Variants in ZNF34 observed in about 807,000 individuals in gnomAD.
ZNF34 encodes the protein zinc finger protein 34 (KOX 32).
ZNF34 carries 8 observed loss-of-function variants against 14.4 expected under a neutral mutation model. That is an observed-to-expected ratio of 0.55 (90% CI 0.33 to 1.00). The LOEUF (loss-of-function observed/expected upper bound fraction) is 1.00. Ranked by LOEUF, ZNF34 falls within the 50% of genes least tolerant of loss-of-function variation. The pLI, the probability that ZNF34 is intolerant of heterozygous loss-of-function variation, is 0.03. For synonymous variants in ZNF34, 235 were observed against 247.9 expected, an observed-to-expected ratio of 0.95 and a Z score of 0.49; for missense variants, 538 against 674.2, an observed-to-expected ratio of 0.80 and a Z score of 2.24.
chr8:144,778,309 G>A (rs1049320255), intron 3 of ZNF34, 130 bp downstream of exon 3: 14 of 1,383,054 alleles, frequency 1.0e-5, no homozygotes, highest in Middle Eastern at 1.8e-4. Context: ...ATCCCAAGGG[G>A]TGGCTGCATG....
chr8:144,778,165 C>T lies in ZNF34; in HGVS notation c.34-1G>A, dbSNP rs1341676183. ...CCACGTCCTCGAAGGTCACCTCGGC[C>T]TGGAATGACAGGGACTACTGCAGCC... On this transcript the variant is annotated splice_acceptor_variant, in intron 3 of 5. Coordinates refer to ENST00000429371, the MANE Select transcript of ZNF34 (RefSeq NM_001286769.2). LOFTEE classifies it high-confidence loss of function. 6.2e-7 allele frequency: 1 copy of T among 1,611,096 alleles called. No homozygotes were observed. The highest frequency in any genetic ancestry group is 8.5e-7 in the Non-Finnish European group (1 of 1,178,442).
At chr8:144,776,086 G>A (rs1825494415) in intron 5 of ZNF34, among the ~76,000 whole-genome samples, 1 of 152,322 alleles carries the variant, frequency 6.6e-6, no homozygotes, top group Non-Finnish European at 1.5e-5. Context: ...GGCCAAGGCA[G>A]GCGGATCACA....
At position 144,780,250 on chromosome 8, in the gene ZNF34, G is replaced by A. The variant is rs187881236; in HGVS notation, c.-77C>T. ...CACCTACCAGAAGCATGAGACTCTC[G>A]GATTAGATACATGTGATGCAACTAT... On this transcript the variant is annotated 5_prime_UTR_variant, in exon 2 of 6. It introduces an in-frame stop codon into an upstream open reading frame of the 5' UTR. Coordinates refer to ENST00000429371, the MANE Select transcript of ZNF34 (RefSeq NM_001286769.2). 4.9e-4 allele frequency: 758 copies of A among 1,549,840 alleles called. 1 individual carries two copies. Among genetic ancestry groups the A allele is most frequent in the African/African-American group, 2.7e-3 (196 of 73,096 alleles).
In ZNF34 at chr8:144,772,308, G is replaced by A. The variant is rs1825229127; in HGVS notation, c.*958C>T. Reference sequence around the variant, plus strand: ...TAGAATTGAGGTTACCAGCAGTAGGGAGAAGGGGGAAATGAAGAGTTATTA... The same window carrying A: ...TAGAATTGAGGTTACCAGCAGTAGGAAGAAGGGGGAAATGAAGAGTTATTA... On this transcript the variant is annotated 3_prime_UTR_variant, in exon 6 of 6. Coordinates refer to ENST00000429371, the MANE Select transcript of ZNF34 (RefSeq NM_001286769.2). Among the ~76,000 whole-genome samples, 2 of 152,160 alleles carry A rather than the reference G, an allele frequency of 1.3e-5. No homozygotes were observed. The highest frequency in any genetic ancestry group is 6.6e-5 in the Admixed American group (1 of 15,264).
chr8:144,780,109 A>T, intron 2 of ZNF34, 119 bp downstream of exon 2: 1 of 704,378 alleles, frequency 1.4e-6, no homozygotes, highest in Non-Finnish European at 2.5e-6. Flanking sequence ...AGGTGGGAGG[A>T]TCACCTGGGC....
chr8:144,773,458 G>A lies in ZNF34; in HGVS notation c.1428C>T (p.His476=), dbSNP rs1825288925. 6.2e-7 allele frequency: 1 copy of A among 1,614,082 alleles called. No homozygotes were observed. The highest frequency in any genetic ancestry group is 8.5e-7 in the Non-Finnish European group (1 of 1,180,028). ...SSRLIHHQRL[H]HGEKPYRCSD... The stretch of plus-strand genomic sequence containing the variant: ...TGCATCTGTAGGGTTTCTCTCCGTG[G>A]TGCAGCCTCTGGTGGTGGATGAGTC... Residue 476 remains histidine, a synonymous_variant, in exon 6 of 6, where the codon CAC becomes CAT. Transcript: ENST00000429371. This position sits in a 1 kb window ranked among gnomAD's most constrained non-coding sequence, Gnocchi z 5.4.
chr8:144,774,358 A>C lies in ZNF34; in HGVS notation c.528T>G (p.Cys176Trp). The C allele has an allele frequency of 6.2e-7, 1 of 1,612,784 alleles. No individual in the cohort carries two copies. Among genetic ancestry groups the C allele is most frequent in the Non-Finnish European group, 8.5e-7 (1 of 1,179,352 alleles). ...GTTCAAAACTTTGCTCACATATATC[A>C]CATTTGTGAGGTCTCTGATCAGGAA... ...RPVPDQRPHK[C>W]DICEQSFEQR... is the part of the protein sequence containing the mutation. The change falls in exon 6 of 6, where the codon TGT (cysteine) becomes TGG (tryptophan). Residue 176 changes from cysteine to tryptophan, a missense_variant. Physicochemically the swap from Cys to Trp is radical, Grantham distance 215 (BLOSUM62 -2). Coordinates refer to ENST00000429371, the MANE Select transcript of ZNF34 (RefSeq NM_001286769.2).
At chr8:144,785,105 C>T (rs2955196) in intron 1 of ZNF34, among the ~76,000 whole-genome samples, 55,032 of 104,000 alleles carry the variant, frequency 0.53, 13,547 homozygotes, top group East Asian at 0.72. Context: ...CCAGACCCTG[C>T]CAAAAAAAAA....
At position 144,778,447 on chromosome 8, in the gene ZNF34, G is replaced by C; in HGVS notation, c.25C>G (p.Pro9Ala). Residue 9 changes from proline (P) to alanine (A), a missense_variant, in exon 3 of 6, where the codon CCA becomes GCA. Transcript: ENST00000429371. MAALFLSA[P>A]PQAEVTFEDV... ...GGAGGACAGACACTCACCTGGGGTG[G>C]GGCAGACAGGAACAAGGCCGCCATT... 6.3e-7 allele frequency: 1 copy of C among 1,581,254 alleles called. No individual in the cohort carries two copies. The highest frequency in any genetic ancestry group is 8.6e-7 in the Non-Finnish European group (1 of 1,164,088).
rs1475262160 is a variant in ZNF34, at chr8:144,778,080, T to C, written c.118A>G (p.Arg40Gly). 3 of 1,614,034 alleles carry C rather than the reference T, an allele frequency of 1.9e-6. No homozygotes were observed. The highest frequency in any genetic ancestry group is 2.2e-5 in the East Asian group (1 of 44,884). ...RLGPAQRGLY[R>G]DVMLETYGNL... is the part of the protein sequence containing the mutation. ...CCGTAGGTCTCCAGCATCACGTCCC[T>C]GTAGAGGCCCCTCTGAGCAGGGCCC... is the stretch of plus-strand genomic sequence containing the variant. Residue 40 changes from arginine (R) to glycine (G), a missense_variant, in exon 4 of 6, where the codon AGG becomes GGG. Transcript: ENST00000429371.
At chr8:144,780,737 C>G (rs955602860) in intron 1 of ZNF34, among the ~76,000 whole-genome samples, 25 of 150,980 alleles carry the variant, frequency 1.7e-4, no homozygotes, top group Non-Finnish European at 1.5e-4. Context: ...TGTAGTGAGC[C>G]GAGATCGCGC....
At chr8:144,778,561 C>G in intron 2 of ZNF34, 36 bp from the exon 3 acceptor site, 3 of 1,478,970 alleles carry the variant, frequency 2.0e-6, no homozygotes, top group East Asian at 2.5e-5. Flanking sequence ...GAGGCCCAGT[C>G]TGGCCCCTTC....
Position 144,777,711 on chromosome 8 carries a change from C to T in ZNF34, c.161-134G>A, listed in dbSNP as rs1825609482. 8.7e-7 allele frequency: 1 copy of T among 1,151,246 alleles called. No individual in the cohort carries two copies. Among genetic ancestry groups the T allele is most frequent in the Non-Finnish European group, 1.2e-6 (1 of 829,168 alleles). The allele number at this position is 1,151,246 out of a possible 1,614,324, so 71.3% of individuals were successfully genotyped here. On this transcript the variant is annotated intron_variant, in intron 4 of 5. Transcript: ENST00000429371. The surrounding 1 kb of genome is among the most constrained non-coding windows in gnomAD (Gnocchi z 4.8). ...GGAAGCCTGGACACTCTCTGGAGGG[C>T]ACTGAGATTGGGCTGGGGCAGTCCT... is the stretch of plus-strand genomic sequence containing the variant.
At position 144,777,089 on chromosome 8, in the gene ZNF34, T is replaced by C. The variant is rs1825570111; in HGVS notation, c.280+369A>G. On this transcript the variant is annotated intron_variant, in intron 5 of 5. Coordinates refer to ENST00000429371, the MANE Select transcript of ZNF34 (RefSeq NM_001286769.2). This position sits in a 1 kb window ranked among gnomAD's most constrained non-coding sequence, Gnocchi z 4.8. ...TTTAGAAGAGAGGGGAATTAAATGATAGCTCCATCATTAGGCCCTCATTAT... is the reference window on the plus strand; with the variant it reads ...TTTAGAAGAGAGGGGAATTAAATGACAGCTCCATCATTAGGCCCTCATTAT... Among the ~76,000 whole-genome samples the C allele has an allele frequency of 2.6e-5, 4 of 151,870 alleles. No individual in the cohort carries two copies. The South Asian group carries it at 8.3e-4, about 32-fold the overall frequency.
At chr8:144,781,271 T>A (rs1170395737) in intron 1 of ZNF34, among the ~76,000 whole-genome samples, 1 of 149,036 alleles carries the variant, frequency 6.7e-6, no homozygotes, top group Non-Finnish European at 1.5e-5. Context: ...TCCTCTGGAG[T>A]GAGTTTTTTT....
In ZNF34 at chr8:144,774,038, T is replaced by C. The variant is rs1563783885; in HGVS notation, c.848A>G (p.Glu283Gly). Residue 283 changes from glutamate to glycine, a missense_variant, in exon 6 of 6, where the codon GAG becomes GGG. Coordinates refer to ENST00000429371, the MANE Select transcript of ZNF34 (RefSeq NM_001286769.2). Reference protein sequence around the residue: ...FINHRRMHSGEIPYRCDECGK... With the variant: ...FINHRRMHSGGIPYRCDECGK... Reference sequence around the variant, plus strand: ...ACACTCGTCACACCGGTAGGGAATCTCTCCTGAGTGCATCCTTCGGTGATT... The same window carrying C: ...ACACTCGTCACACCGGTAGGGAATCCCTCCTGAGTGCATCCTTCGGTGATT... 1 of 1,614,096 alleles carries C rather than the reference T, an allele frequency of 6.2e-7. No individual in the cohort carries two copies. The highest frequency in any genetic ancestry group is 8.5e-7 in the Non-Finnish European group (1 of 1,180,004).
In ZNF34 at chr8:144,779,808, TCA is replaced by T. The variant is rs1825751030; in HGVS notation, c.-55+418_-55+419del. ...CCCTGCTCTGGCATGCTAAGCTGTC[TCA>T]TTCAGGAGGAAAACGACAATACTCA... is the stretch of plus-strand genomic sequence containing the variant. On this transcript the variant is annotated intron_variant, in intron 2 of 5. Coordinates refer to ENST00000429371, the MANE Select transcript of ZNF34 (RefSeq NM_001286769.2). This position sits in a 1 kb window ranked among gnomAD's most constrained non-coding sequence, Gnocchi z 4.1. Among the ~76,000 whole-genome samples the T allele has an allele frequency of 1.3e-5, 2 of 152,072 alleles. No individual in the cohort carries two copies. Among genetic ancestry groups the T allele is most frequent in the Non-Finnish European group, 2.9e-5 (2 of 68,018 alleles).
chr8:144,783,577 T>C (rs1326113116), intron 1 of ZNF34, among the ~76,000 whole-genome samples: 1 of 152,076 alleles, frequency 6.6e-6, no homozygotes, highest in African/African-American at 2.4e-5. Context: ...TTGTCAGCAA[T>C]CAGCAACCGA....
intron 1 of ZNF34, among the ~76,000 whole-genome samples, chr8:144,786,038 G>A (rs113268660): frequency 0.068 from 9,741 of 143,114 alleles, 1,143 homozygotes; most frequent in African/African-American, 0.24. Context: ...AGGCTGGAGA[G>A]CAGTGGCGGG....
Sources: allele counts gnomAD v4.1 joint callset (sites outside exome capture counted in the v4.1 genomes callset), GRCh38; gene constraint gnomAD v4.1.1; non-coding constraint Gnocchi (gnomAD v3.1); transcripts MANE v1.5; gene names NCBI Gene and HGNC (gene_info 2026-07-23, HGNC 2026-07-21).